The following TNIK variants were observed in gnomAD, a reference collection of about 807,000 sequenced individuals.
TNIK encodes TRAF2 and NCK-interacting protein kinase.
TNIK carries 49 observed loss-of-function variants against 191.3 expected under a neutral mutation model. The ratio of observed to expected loss-of-function variants is 0.26; its 90% confidence interval spans 0.20 to 0.32. TNIK has a LOEUF of 0.32. TNIK is among the 10% of genes least tolerant of loss of function. The probability of loss-of-function intolerance (pLI) is 1.00; values close to 1 mark genes in which losing one functional copy is unlikely to be tolerated. For missense variants in TNIK, 1,155 were observed against 1,702.3 expected, an observed-to-expected ratio of 0.68 and a Z score of 5.66; for synonymous variants, 594 against 600.9, an observed-to-expected ratio of 0.99 and a Z score of 0.17.
At chr3:171,086,432 A>G (rs1721364407) in intron 24 of TNIK, among the ~76,000 whole-genome samples, 1 of 152,206 alleles carries the variant, frequency 6.6e-6, no homozygotes, top group Admixed American at 6.5e-5. Context: ...AATTTGAACC[A>G]GGGTTCAATC....
At chr3:171,140,266 G>T in intron 13 of TNIK, 133 bp downstream of exon 13, 1 of 700,748 alleles carries the variant, frequency 1.4e-6, no homozygotes, top group South Asian at 2.1e-5. Flanking sequence ...GAATAGGTGA[G>T]CATAATTGCT....
In TNIK at chr3:171,118,666, C is replaced by A. The variant is rs191147460; in HGVS notation, c.2120+4930G>T. Among the ~76,000 whole-genome samples, 850 of 152,274 alleles carry A rather than the reference C, an allele frequency of 5.6e-3. 8 individuals carry two copies. The highest frequency in any genetic ancestry group is 9.7e-3 in the Admixed American group (148 of 15,298). On this transcript the variant is annotated intron_variant, in intron 18 of 32. Coordinates refer to ENST00000436636, the MANE Select transcript of TNIK (RefSeq NM_015028.4). ...TATAACTATCTGATCTTTGATAAAC[C>A]TGACAAAAACAAGCAATGGGGAAAG...
chr3:171,144,473 A>G (rs370908220), intron 12 of TNIK, among the ~76,000 whole-genome samples: 3 of 152,114 alleles, frequency 2.0e-5, no homozygotes, highest in East Asian at 1.9e-4. Flanking sequence ...AATATTTAAA[A>G]GTTCTTATTT....
chr3:171,330,551 CAA>C (rs901871369), intron 2 of TNIK, among the ~76,000 whole-genome samples: 1 of 152,150 alleles, frequency 6.6e-6, no homozygotes, highest in African/African-American at 2.4e-5. Flanking sequence ...ATACTAATAA[CAA>C]AAGAGTAGGG....
intron 18 of TNIK, among the ~76,000 whole-genome samples, chr3:171,112,863 A>G (rs1003078986): frequency 9.2e-5 from 14 of 152,184 alleles, no homozygotes; most frequent in African/African-American, 2.2e-4. Flanking sequence ...GGTGCTTCCA[A>G]TACATTGCTG....
chr3:171,240,304 G>A (rs938647102), intron 2 of TNIK, among the ~76,000 whole-genome samples: 8 of 152,160 alleles, frequency 5.3e-5, no homozygotes, highest in Admixed American at 1.3e-4. Context: ...AGCTCTGCAG[G>A]CCCTATAGAG....
chr3:171,287,429 C>A (rs892733772), intron 2 of TNIK, among the ~76,000 whole-genome samples: 13 of 152,188 alleles, frequency 8.5e-5, no homozygotes, highest in African/African-American at 3.1e-4. Flanking sequence ...AAGAAGGTCA[C>A]CCCAGCTGTG....
intron 2 of TNIK, among the ~76,000 whole-genome samples, chr3:171,297,737 G>GT (rs1258161683): frequency 6.6e-6 from 1 of 152,096 alleles, no homozygotes; most frequent in Non-Finnish European, 1.5e-5. Context: ...CATTTTAAGT[G>GT]TAAAAAATGA....
chr3:171,133,842 G>A (rs116139504), intron 15 of TNIK, among the ~76,000 whole-genome samples: 9,137 of 152,274 alleles, frequency 0.06, 369 homozygotes, highest in Middle Eastern at 0.15. Context: ...TCAAAGTCCA[G>A]TGAACTAATG....
intron 2 of TNIK, among the ~76,000 whole-genome samples, chr3:171,354,765 A>C (rs1413434665): frequency 6.6e-6 from 1 of 152,202 alleles, no homozygotes; most frequent in Non-Finnish European, 1.5e-5. Flanking sequence ...ACTTTTAGCT[A>C]TTCACAAATA....
intron 10 of TNIK, among the ~76,000 whole-genome samples, chr3:171,166,754 A>G (rs771961856): frequency 2.0e-5 from 3 of 152,222 alleles, no homozygotes; most frequent in African/African-American, 4.8e-5. Flanking sequence ...TCTTTAGGTT[A>G]TCTGTCTTCT....
intron 2 of TNIK, among the ~76,000 whole-genome samples, chr3:171,299,328 T>A (rs1381037544): frequency 6.6e-6 from 1 of 152,148 alleles, no homozygotes; most frequent in Non-Finnish European, 1.5e-5. Context: ...TCATCCTGTG[T>A]GTGGGACTAG....
At chr3:171,255,503 C>T (rs1746744859) in intron 2 of TNIK, among the ~76,000 whole-genome samples, 1 of 152,162 alleles carries the variant, frequency 6.6e-6, no homozygotes, top group Non-Finnish European at 1.5e-5. Context: ...ACATCACCTG[C>T]TCATCAACAG....
chr3:171,169,440 G>A (rs1735018848), intron 9 of TNIK, among the ~76,000 whole-genome samples: 1 of 151,930 alleles, frequency 6.6e-6, no homozygotes, highest in Non-Finnish European at 1.5e-5. Context: ...GATAATTTTT[G>A]TATTTTTAGT....
chr3:171,291,794 A>G (rs547931005), intron 2 of TNIK, among the ~76,000 whole-genome samples: 11 of 152,188 alleles, frequency 7.2e-5, no homozygotes, highest in African/African-American at 2.7e-4. Context: ...ATTTGGAAAA[A>G]TTTGGTCATT....
At chr3:171,400,819 A>G (rs1304601162) in intron 1 of TNIK, among the ~76,000 whole-genome samples, 2 of 152,304 alleles carry the variant, frequency 1.3e-5, no homozygotes, top group East Asian at 3.9e-4. Flanking sequence ...CCCCAAAGAT[A>G]CCAAGATGAG....
chr3:171,299,728 GT>G (rs754149213), intron 2 of TNIK, among the ~76,000 whole-genome samples: 1 of 152,150 alleles, frequency 6.6e-6, no homozygotes, highest in African/African-American at 2.4e-5. Flanking sequence ...CTAGCATCAA[GT>G]TTACAAACTG....
chr3:171,416,714 A>T (rs912332633), intron 1 of TNIK, among the ~76,000 whole-genome samples: 1 of 152,212 alleles, frequency 6.6e-6, no homozygotes, highest in Non-Finnish European at 1.5e-5. Flanking sequence ...AGCAGGGCTT[A>T]GCCTCCACAG....
chr3:171,395,858 C>T (rs1720164303), intron 1 of TNIK, among the ~76,000 whole-genome samples: 1 of 152,108 alleles, frequency 6.6e-6, no homozygotes, highest in South Asian at 2.1e-4. Context: ...CTGATGTACC[C>T]TCCTCTCATA....
Sources: allele counts gnomAD v4.1 joint callset (sites outside exome capture counted in the v4.1 genomes callset), GRCh38; gene constraint gnomAD v4.1.1; transcripts MANE v1.5; gene names NCBI Gene and HGNC (gene_info 2026-07-23, HGNC 2026-07-21).